The following SLC47A1 variants were observed in gnomAD, a reference collection of about 807,000 sequenced individuals.
SLC47A1 encodes solute carrier family 47 member 1, also known as multidrug and toxin extrusion protein 1.
Under a neutral mutation model 65.8 loss-of-function variants are expected in SLC47A1, and 58 were observed. The ratio of observed to expected loss-of-function variants is 0.88; its 90% confidence interval spans 0.71 to 1.10. The LOEUF is 1.10. Among genes scored for constraint, SLC47A1 ranks in the 50% least tolerant of loss-of-function variants. The pLI, the probability that SLC47A1 is intolerant of heterozygous loss-of-function variation, is 0.00. For synonymous variants in SLC47A1, 285 were observed against 295.0 expected, an observed-to-expected ratio of 0.97 and a Z score of 0.35; for missense variants, 706 against 719.2, an observed-to-expected ratio of 0.98 and a Z score of 0.21.
intron 12 of SLC47A1, among the ~76,000 whole-genome samples, chr17:19,563,526 A>G (rs1567972470): frequency 6.6e-6 from 1 of 152,140 alleles, no homozygotes; most frequent in Non-Finnish European, 1.5e-5. Context: ...TTGCAAACAT[A>G]GATAAAACAG....
intron 12 of SLC47A1, among the ~76,000 whole-genome samples, 198 bp downstream of exon 12, chr17:19,560,691 C>CTTG (rs2084302042): frequency 6.6e-6 from 1 of 151,952 alleles, no homozygotes; most frequent in East Asian, 1.9e-4. Context: ...CCAGCCTGAC[C>CTTG]AACATGGTGA....
chr17:19,534,321 C>T (rs945502587), intron 1 of SLC47A1: 4 of 441,908 alleles, frequency 9.1e-6, no homozygotes, highest in Non-Finnish European at 1.6e-5. Context: ...GGTACGCGCC[C>T]GGGCGCATGT....
intron 3 of SLC47A1, among the ~76,000 whole-genome samples, chr17:19,546,819 A>C (rs1916303606): frequency 6.6e-6 from 1 of 152,170 alleles, no homozygotes; most frequent in African/African-American, 2.4e-5. Context: ...GCGTGCATTG[A>C]TTGAGCTTGG....
Position 19,549,642 on chromosome 17 carries a change from C to T in SLC47A1, c.463C>T (p.Gln155Ter). The part of the protein sequence containing the change: ...RQDPDVSRLT[Q>*]TYVTIFIPAL... ...TTTCTTTTCGTTATTTAGGCTTACC[C>T]AGACCTATGTCACGATCTTCATTCC... is the stretch of plus-strand genomic sequence containing the variant. The change falls in exon 5 of 17, where the codon CAG (glutamine) becomes TAG (stop). Residue 155 changes from glutamine to a stop codon, truncating the protein, a stop_gained. Transcript: ENST00000270570. LOFTEE classifies it high-confidence loss of function. 1.2e-6 allele frequency: 2 copies of T among 1,614,162 alleles called. No homozygotes were observed. Among genetic ancestry groups the T allele is most frequent in the Non-Finnish European group, 1.7e-6 (2 of 1,180,016 alleles).
In SLC47A1 at chr17:19,578,021, C is replaced by T. The variant is rs2084454451; in HGVS notation, c.*468C>T. 3 of 1,237,188 alleles carry T rather than the reference C, an allele frequency of 2.4e-6. No homozygotes were observed. In the South Asian group the frequency reaches 3.8e-5, roughly 16 times the overall value. The allele number at this position is 1,237,188 out of a possible 1,614,324, so 76.6% of individuals were successfully genotyped here. On this transcript the variant is annotated 3_prime_UTR_variant, in exon 17 of 17. Coordinates refer to ENST00000270570, the MANE Select transcript of SLC47A1 (RefSeq NM_018242.3). ...TTAATAGACGGAAGTCTTGCTCTGT[C>T]ATGCAGGCTGGAGTGCGGTGGTGCG... is the stretch of plus-strand genomic sequence containing the variant.
chr17:19,548,968 A>G (rs893295675), intron 4 of SLC47A1, among the ~76,000 whole-genome samples: 4 of 152,084 alleles, frequency 2.6e-5, no homozygotes, highest in Non-Finnish European at 5.9e-5. Context: ...GTCTGAAGAC[A>G]TTTCTGGTTA....
At chr17:19,572,459 G>GT (rs901566462) in intron 15 of SLC47A1, among the ~76,000 whole-genome samples, 11 of 151,656 alleles carry the variant, frequency 7.3e-5, no homozygotes, top group African/African-American at 1.7e-4. Flanking sequence ...ATGCCTGGCT[G>GT]TTTTTTTTGT....
intron 14 of SLC47A1, 57 bp downstream of exon 14, chr17:19,567,285 G>A (rs75341161): frequency 1.9e-4 from 305 of 1,610,096 alleles, no homozygotes; most frequent in Non-Finnish European, 2.3e-4. Context: ...GGAAATGACC[G>A]TCGGAGCACA....
At chr17:19,549,294 G>T (rs1391054202) in intron 4 of SLC47A1, among the ~76,000 whole-genome samples, 1 of 152,004 alleles carries the variant, frequency 6.6e-6, no homozygotes, top group East Asian at 1.9e-4. Context: ...CGCCTCCTGG[G>T]TTCAAAAGAT....
At position 19,577,438 on chromosome 17, in the gene SLC47A1, A is replaced by G. The variant is rs149553735; in HGVS notation, c.1598A>G (p.Asp533Gly). The change falls in exon 17 of 17, where the codon GAC (aspartate) becomes GGC (glycine). Residue 533 changes from aspartate (D) to glycine (G), a missense_variant. Physicochemically the swap from Asp to Gly is moderately conservative, Grantham distance 94 (BLOSUM62 -1). Coordinates refer to ENST00000270570, the MANE Select transcript of SLC47A1 (RefSeq NM_018242.3). Reference sequence around the variant, plus strand: ...GAACCTTTGCCGGAACATCCACAGGACGGCGCTAAATTGTCCAGGAAACAG... The same window carrying G: ...GAACCTTTGCCGGAACATCCACAGGGCGGCGCTAAATTGTCCAGGAAACAG... ...QEEPLPEHPQ[D>G]GAKLSRKQLV... The G allele has an allele frequency of 1.2e-4, 190 of 1,614,042 alleles. No homozygotes were observed. Among genetic ancestry groups the G allele is most frequent in the Non-Finnish European group, 1.5e-4 (179 of 1,180,034 alleles).
chr17:19,571,719 A>G, intron 15 of SLC47A1, 147 bp downstream of exon 15: 1 of 636,374 alleles, frequency 1.6e-6, no homozygotes. Flanking sequence ...TGTTTTAACT[A>G]GACAGTTCAG....
At position 19,555,801 on chromosome 17, in the gene SLC47A1, T is replaced by C. The variant is rs1420461418; in HGVS notation, c.745T>C (p.Ser249Pro). ...KLHQATWGGW[S>P]LECLQDWASF... ...TGTGTGTGTCCCCCCCACAGGCTGG[T>C]CCCTCGAGTGCCTGCAGGACTGGGC... The change falls in exon 9 of 17, where the codon TCC becomes CCC. Residue 249 changes from serine (S) to proline (P), a missense_variant. Physicochemically the swap from Ser to Pro is moderately conservative, Grantham distance 74. Coordinates refer to ENST00000270570, the MANE Select transcript of SLC47A1 (RefSeq NM_018242.3). The C allele has an allele frequency of 1.2e-6, 2 of 1,613,428 alleles. No individual in the cohort carries two copies. The highest frequency in any genetic ancestry group is 1.7e-5 in the Admixed American group (1 of 60,010).
At chr17:19,560,995 G>A (rs941569970) in intron 12 of SLC47A1, among the ~76,000 whole-genome samples, 3 of 151,148 alleles carry the variant, frequency 2.0e-5, no homozygotes, top group Non-Finnish European at 2.9e-5. Flanking sequence ...AGTGGCTCAC[G>A]CTGGTAATCC....
Position 19,577,984 on chromosome 17 carries a change from T to G in SLC47A1, c.*431T>G. ...TGGGCAAATGGTATTTGTTTTTGTT[T>G]TAATTTTTTTTTTAATAGACGGAAG... On this transcript the variant is annotated 3_prime_UTR_variant, in exon 17 of 17. Coordinates refer to ENST00000270570, the MANE Select transcript of SLC47A1 (RefSeq NM_018242.3). The G allele has an allele frequency of 1.6e-6, 2 of 1,284,392 alleles. No individual in the cohort carries two copies. The highest frequency in any genetic ancestry group is 2.0e-6 in the Non-Finnish European group (2 of 986,568). The allele number at this position is 1,284,392 out of a possible 1,614,324, so 79.6% of individuals were successfully genotyped here. A position where few individuals can be genotyped will look rare whatever the true frequency, so the allele number is the denominator to read the frequency against.
intron 15 of SLC47A1, among the ~76,000 whole-genome samples, chr17:19,572,495 A>G (rs757246645): frequency 3.3e-5 from 5 of 150,720 alleles, no homozygotes; most frequent in Non-Finnish European, 7.4e-5. Context: ...TTTGTTTTTA[A>G]TTTTTTAATT....
intron 2 of SLC47A1, 99 bp from the exon 3 acceptor site, chr17:19,546,336 G>T: frequency 1.7e-6 from 2 of 1,211,856 alleles, no homozygotes; most frequent in East Asian, 2.5e-5. Flanking sequence ...TGTGAATGCT[G>T]AAGGAGGAGC....
At chr17:19,577,247 A>G (rs2084447749) in intron 16 of SLC47A1, 80 bp from the exon 17 acceptor site, 2 of 1,554,044 alleles carry the variant, frequency 1.3e-6, no homozygotes, top group Admixed American at 2.0e-5. Flanking sequence ...CTATTAGCAC[A>G]TATTCCTTTT....
rs570484123 is a variant in SLC47A1 at position 19,563,845 on chromosome 17, C to T, written c.1107-2945C>T. On this transcript the variant is annotated intron_variant, in intron 12 of 16. Transcript: ENST00000270570. ...CTACTAAAAAATACAAAAAATTAGC[C>T]GGGCGTGGTGGCACGCACCTGTAGT... is the stretch of plus-strand genomic sequence containing the variant. 4.6e-5 allele frequency among the ~76,000 whole-genome samples: 7 copies of T among 151,902 alleles called. No individual in the cohort carries two copies. The South Asian group carries it at 1.0e-3, about 23-fold the overall frequency.
intron 2 of SLC47A1, among the ~76,000 whole-genome samples, chr17:19,543,541 A>G (rs928909472): frequency 9.9e-5 from 15 of 152,084 alleles, no homozygotes; most frequent in African/African-American, 3.6e-4. Context: ...CCCACTCCTC[A>G]GTTGTCTGTC....
Sources: allele counts gnomAD v4.1 joint callset (sites outside exome capture counted in the v4.1 genomes callset), GRCh38; gene constraint gnomAD v4.1.1; transcripts MANE v1.5; gene names NCBI Gene and HGNC (gene_info 2026-07-23, HGNC 2026-07-21).